Variants in TRHDE observed in about 807,000 individuals in gnomAD.
TRHDE encodes the protein thyrotropin releasing hormone degrading enzyme, also known as thyrotropin-releasing hormone-degrading ectoenzyme.
Under a neutral mutation model 125.7 loss-of-function variants are expected in TRHDE, and 72 were observed. The observed-to-expected ratio is 0.57, with a 90% CI of 0.47 to 0.70. TRHDE has a LOEUF of 0.70. TRHDE is among the 30% of genes least tolerant of loss of function. The pLI is 0.00. For missense variants in TRHDE, 1,110 were observed against 1,327.1 expected (o/e 0.84, Z 2.54); for synonymous variants, 509 against 509.1 (o/e 1.00, Z 0.00).
intron 2 of TRHDE, among the ~76,000 whole-genome samples, chr12:72,212,901 T>C (rs1263162348): frequency 6.6e-6 from 1 of 152,138 alleles, no homozygotes; most frequent in Non-Finnish European, 1.5e-5. Flanking sequence ...AGCAGCGTTA[T>C]TCATAATAGT....
chr12:72,492,195 G>T (rs985360165), intron 5 of TRHDE, among the ~76,000 whole-genome samples: 3 of 151,852 alleles, frequency 2.0e-5, no homozygotes, highest in African/African-American at 7.2e-5. Context: ...AAGTGCATTG[G>T]TATATGGAAG....
intron 3 of TRHDE, among the ~76,000 whole-genome samples, chr12:72,444,009 A>G (rs538545834): frequency 1.3e-5 from 2 of 152,014 alleles, no homozygotes; most frequent in African/African-American, 4.8e-5. Context: ...ATAGTAAACT[A>G]AATGCTAATT....
At chr12:72,181,941 T>C (rs1372622652) in intron 2 of TRHDE, among the ~76,000 whole-genome samples, 8 of 152,214 alleles carry the variant, frequency 5.3e-5, no homozygotes, top group Non-Finnish European at 1.2e-4. Flanking sequence ...TATGACATGA[T>C]TTTCAGAAAC....
In TRHDE at chr12:72,214,059, CAATG is replaced by C. The variant is rs370010848; in HGVS notation, n.279+108310_279+108313del. Among the ~76,000 whole-genome samples, 535 of 152,176 alleles carry C rather than the reference CAATG, an allele frequency of 3.5e-3. 4 individuals are homozygous for C. The highest frequency in any genetic ancestry group is 0.014 in the Middle Eastern group (4 of 294). ...AAGTTAAAATTTTGTACATTTTACTCAATGAAGATCAAGAATAAATAGCTTGATA... is the reference window on the plus strand; with the variant it reads ...AAGTTAAAATTTTGTACATTTTACTCAAGATCAAGAATAAATAGCTTGATA... On this transcript the variant is annotated intron_variant and non_coding_transcript_variant, in intron 2 of 4. Transcript: ENST00000548156.
intron 1 of TRHDE, among the ~76,000 whole-genome samples, chr12:72,091,173 C>T (rs114869507): frequency 0.02 from 3,112 of 152,112 alleles, 107 homozygotes; most frequent in African/African-American, 0.071. Context: ...TGTGCCAGGC[C>T]GAATTTATTA....
chr12:72,189,720 CA>C (rs1877300681), intron 2 of TRHDE, among the ~76,000 whole-genome samples: 1 of 152,138 alleles, frequency 6.6e-6, no homozygotes, highest in East Asian at 1.9e-4. Flanking sequence ...ACTTTGGAGG[CA>C]ACATATCCCA....
intron 2 of TRHDE, among the ~76,000 whole-genome samples, chr12:72,142,840 A>C (rs905682001): frequency 2.0e-5 from 3 of 151,834 alleles, no homozygotes; most frequent in African/African-American, 7.2e-5. Context: ...GGGCGGCCAG[A>C]CTCAAGGGGA....
chr12:72,657,689 A>G (rs7297703), intron 18 of TRHDE, among the ~76,000 whole-genome samples: 22,045 of 152,092 alleles, frequency 0.14, 2,181 homozygotes, highest in East Asian at 0.54. Context: ...CTGGAAATTT[A>G]AGCCAGCTAG....
At chr12:72,123,809 G>T (rs973911803) in intron 2 of TRHDE, among the ~76,000 whole-genome samples, 2 of 151,960 alleles carry the variant, frequency 1.3e-5, no homozygotes, top group Admixed American at 6.6e-5. Flanking sequence ...ATCTCCAAAG[G>T]TTTTATCATG....
intron 2 of TRHDE, among the ~76,000 whole-genome samples, chr12:72,161,050 C>T (rs914480242): frequency 5.3e-5 from 8 of 152,142 alleles, no homozygotes; most frequent in African/African-American, 1.9e-4. Flanking sequence ...TTCTCACTGG[C>T]TGCAAATTGT....
intron 2 of TRHDE, chr12:72,306,573 T>G (rs1407319880): frequency 6.6e-6 from 1 of 152,190 alleles, no homozygotes; most frequent in Non-Finnish European, 1.5e-5. Context: ...ATAAGGATTC[T>G]TATCTGTGTA....
chr12:72,380,797 TC>T (rs1453426186), intron 3 of TRHDE, among the ~76,000 whole-genome samples: 6 of 128,736 alleles, frequency 4.7e-5, no homozygotes, highest in East Asian at 2.2e-4. Context: ...CTTCCTTCCT[TC>T]CTTCCTTCCT....
intron 16 of TRHDE, 118 bp downstream of exon 16, chr12:72,652,607 C>G: frequency 1.5e-6 from 1 of 663,382 alleles, no homozygotes; most frequent in East Asian, 3.3e-5. Flanking sequence ...ATATATCTTC[C>G]TAAACATGAG....
chr12:72,506,867 A>G (rs1297305076), intron 6 of TRHDE, among the ~76,000 whole-genome samples: 2 of 152,064 alleles, frequency 1.3e-5, no homozygotes, highest in Non-Finnish European at 2.9e-5. Context: ...TGTGTCCTCA[A>G]CCAAATATCA....
chr12:72,618,774 A>G, intron 12 of TRHDE, 117 bp from the exon 13 acceptor site: 2 of 789,714 alleles, frequency 2.5e-6, no homozygotes, highest in Non-Finnish European at 3.8e-6. Flanking sequence ...TTATTCTTAT[A>G]ACACTGAATA....
chr12:72,331,295 C>T (rs377050252), intron 2 of TRHDE, among the ~76,000 whole-genome samples: 73 of 152,220 alleles, frequency 4.8e-4, no homozygotes, highest in African/African-American at 1.1e-3. Context: ...TAGCACTTAC[C>T]GGTGTCTTGT....
chr12:72,301,511 A>G (rs1868259355), intron 2 of TRHDE, among the ~76,000 whole-genome samples: 1 of 152,200 alleles, frequency 6.6e-6, no homozygotes. Context: ...TTAGAAGGCT[A>G]TAGAGGAGTC....
chr12:72,309,837 T>C (rs994316451), intron 2 of TRHDE: 1 of 152,290 alleles, frequency 6.6e-6, no homozygotes, highest in African/African-American at 2.4e-5. Context: ...TACTATGCTA[T>C]GCACCATGAA....
chr12:72,231,408 C>G (rs901706105), intron 2 of TRHDE, among the ~76,000 whole-genome samples: 2 of 152,252 alleles, frequency 1.3e-5, no homozygotes, highest in Middle Eastern at 6.8e-3. Context: ...TCCCCCACCC[C>G]CTTTTGGAGG....
Sources: gnomAD v4.1 joint callset for allele counts (sites outside exome capture counted in the v4.1 genomes callset) on GRCh38, gnomAD v4.1.1 for gene constraint, MANE v1.5 for transcripts, NCBI Gene and HGNC (gene_info 2026-07-23, HGNC 2026-07-21) for gene names.